Variants in ABCG5 observed in about 807,000 individuals in gnomAD.
ABCG5 encodes the protein ATP binding cassette subfamily G member 5.
ABCG5 carries 64 observed loss-of-function variants against 64.5 expected under a neutral mutation model. The observed-to-expected ratio is 0.99, with a 90% CI of 0.81 to 1.22. The LOEUF (loss-of-function observed/expected upper bound fraction) is 1.22, where lower values mean the gene tolerates loss of function less well. ABCG5 is among the 50% of genes most tolerant of loss of function. The pLI is 0.00. For synonymous variants in ABCG5, 385 were observed against 326.3 expected, an observed-to-expected ratio of 1.18 and a Z score of -1.94; for missense variants, 908 against 829.5, an observed-to-expected ratio of 1.09 and a Z score of -1.16.
intron 4 of ABCG5, 33 bp downstream of exon 4, chr2:43,831,736 G>A (rs1667956403): frequency 6.5e-7 from 1 of 1,547,734 alleles, no homozygotes; most frequent in Non-Finnish European, 8.7e-7. Flanking sequence ...AAGGTACTCA[G>A]TTTGCCCTCT....
chr2:43,831,471 C>A (rs1192770107), intron 4 of ABCG5, among the ~76,000 whole-genome samples: 1 of 152,172 alleles, frequency 6.6e-6, no homozygotes, highest in Non-Finnish European at 1.5e-5. Context: ...CCCTGCCCGA[C>A]CTAAAAATTC....
At chr2:43,829,326 C>T (rs1667827870) in intron 4 of ABCG5, among the ~76,000 whole-genome samples, 1 of 152,152 alleles carries the variant, frequency 6.6e-6, no homozygotes, top group Non-Finnish European at 1.5e-5. Context: ...ACATATAATC[C>T]AGCCTTCAGA....
chr2:43,823,801 TG>T, intron 9 of ABCG5, 111 bp downstream of exon 9: 2 of 1,261,734 alleles, frequency 1.6e-6, no homozygotes, highest in Non-Finnish European at 2.2e-6. Flanking sequence ...TGGAGAGGGC[TG>T]GGTTTAGCTC....
At chr2:43,816,893 C>T (rs1666869620) in intron 11 of ABCG5, among the ~76,000 whole-genome samples, 1 of 152,188 alleles carries the variant, frequency 6.6e-6, no homozygotes, top group South Asian at 2.1e-4. Context: ...ATATTGTGAG[C>T]ACTTCTTCCC....
chr2:43,831,921 G>T (rs537396252), intron 3 of ABCG5, 26 bp downstream of exon 3: 11 of 1,526,802 alleles, frequency 7.2e-6, no homozygotes, highest in Admixed American at 2.0e-5. Context: ...GGGCGGGGGG[G>T]CCAGGGGTGT....
At chr2:43,813,968 C>T (rs994347757) in intron 12 of ABCG5, among the ~76,000 whole-genome samples, 4 of 151,928 alleles carry the variant, frequency 2.6e-5, no homozygotes, top group Admixed American at 1.3e-4. Flanking sequence ...ATCCAACCTC[C>T]GACTCCCAAA....
chr2:43,824,274 G>C lies in ABCG5; in HGVS notation c.1063C>G (p.Pro355Ala), dbSNP rs867011983. ...CCAGGAGAATCTTTGGTTTTGAAAG[G>C]AACCATTGGTAACGTTTTCAGGTGT... ...MKHLKTLPMV[P>A]FKTKDSPGVF... The change falls in exon 8 of 13, where the codon CCT (proline) becomes GCT (alanine). Residue 355 changes from proline (P) to alanine (A), a missense_variant. Pro to Ala is a conservative substitution (Grantham distance 27). Transcript: ENST00000405322. 2 of 1,614,174 alleles carry C rather than the reference G, an allele frequency of 1.2e-6. No individual in the cohort carries two copies. Among genetic ancestry groups the C allele is most frequent in the Middle Eastern group, 1.6e-4 (1 of 6,062 alleles).
intron 11 of ABCG5, among the ~76,000 whole-genome samples, chr2:43,818,305 A>G (rs1339957396): frequency 1.3e-5 from 2 of 152,038 alleles, no homozygotes; most frequent in Admixed American, 6.5e-5. Context: ...TTAGCCGAGC[A>G]TGGTGGCGCA....
In ABCG5 at chr2:43,828,020, G is replaced by GC; in HGVS notation, c.596dup (p.Arg200ProfsTer13). 1.2e-6 allele frequency: 2 copies of GC among 1,614,126 alleles called. No individual in the cohort carries two copies. Among genetic ancestry groups the GC allele is most frequent in the Non-Finnish European group, 1.7e-6 (2 of 1,180,030 alleles). ...GCAGCTGGGCTGCGATGGAGACCCG[G>GC]CGCCGCTCACCCGTGGAAATGCCCC... On this transcript the variant is annotated frameshift_variant, in exon 5 of 13. Transcript: ENST00000405322. LOFTEE classifies it high-confidence loss of function.
chr2:43,810,775 C>T (rs4148196), downstream of ABCG5, among the ~76,000 whole-genome samples: 11 of 152,140 alleles, frequency 7.2e-5, no homozygotes, highest in African/African-American at 2.2e-4. Flanking sequence ...CTTTAGCACA[C>T]GTTTCTTGCT....
chr2:43,832,859 G>C (rs1668035544), intron 2 of ABCG5, among the ~76,000 whole-genome samples: 2 of 152,188 alleles, frequency 1.3e-5, no homozygotes, highest in African/African-American at 4.8e-5. Context: ...ACCCAGGCTG[G>C]AGTGCAGTGG....
At chr2:43,836,654 C>T (rs978606902) in intron 2 of ABCG5, among the ~76,000 whole-genome samples, 2 of 152,152 alleles carry the variant, frequency 1.3e-5, no homozygotes, top group Non-Finnish European at 2.9e-5. Context: ...CCACAAGGAG[C>T]TGTCTCACCA....
At chr2:43,807,399 G>A in the ABCG5 span, among the ~76,000 whole-genome samples, 1 of 152,046 alleles carries the variant, frequency 6.6e-6, no homozygotes, top group Non-Finnish European at 1.5e-5. Context: ...AAGGGAATGC[G>A]AATGTGGAAA....
chr2:43,816,691 G>A (rs1007442984), intron 11 of ABCG5, among the ~76,000 whole-genome samples: 5 of 152,228 alleles, frequency 3.3e-5, no homozygotes, highest in East Asian at 1.9e-4. Context: ...TTACAGGCAC[G>A]TGACACCACA....
In ABCG5 at chr2:43,827,052, C is replaced by T. The variant is rs571493535; in HGVS notation, c.635-531G>A. The stretch of plus-strand genomic sequence containing the variant: ...TAAAAAGTGACAAGGGGGCCGGGCG[C>T]GGTGGCTCACGCCTGTAATGCCAAC... On this transcript the variant is annotated intron_variant, in intron 5 of 12. Transcript: ENST00000405322. Among the ~76,000 whole-genome samples, 44 of 152,262 alleles carry T rather than the reference C, an allele frequency of 2.9e-4. 1 individual carries two copies. The highest frequency in any genetic ancestry group is 1.0e-3 in the African/African-American group (42 of 41,562).
chr2:43,817,287 C>A (rs1364554084), intron 11 of ABCG5, among the ~76,000 whole-genome samples: 2 of 151,972 alleles, frequency 1.3e-5, no homozygotes, highest in Non-Finnish European at 2.9e-5. Context: ...GAGTTTGAGA[C>A]CAGCCTGACC....
At chr2:43,839,121 G>A (rs1227591445), upstream of ABCG5, 1 of 1,551,188 alleles carries the variant, frequency 6.4e-7, no homozygotes, top group Non-Finnish European at 8.7e-7. Flanking sequence ...ACCTCGGTGA[G>A]TGAGCAATGG....
chr2:43,810,422 A>G (rs749071603), downstream of ABCG5: 19 of 985,306 alleles, frequency 1.9e-5, no homozygotes, highest in African/African-American at 3.5e-5. Flanking sequence ...AGGACAAAAC[A>G]TCATGTGTTG....
intron 4 of ABCG5, among the ~76,000 whole-genome samples, chr2:43,828,972 A>T (rs1667802101): frequency 6.6e-6 from 1 of 151,516 alleles, no homozygotes; most frequent in Non-Finnish European, 1.5e-5. Flanking sequence ...TTCAAAAAAA[A>T]TAATAATAAA....
Sources: allele counts gnomAD v4.1 joint callset (sites outside exome capture counted in the v4.1 genomes callset), GRCh38; gene constraint gnomAD v4.1.1; transcripts MANE v1.5; gene names NCBI Gene and HGNC (gene_info 2026-07-23, HGNC 2026-07-21).